Variants in CIMIP2C observed in about 807,000 individuals in gnomAD.
CIMIP2C encodes UPF0573 protein C2orf70.
the CIMIP2C span, chr2:26,578,965 T>A: frequency 1.0e-5 from 5 of 486,060 alleles, no homozygotes; most frequent in African/African-American, 7.8e-5. Context: ...GAGCTTCACA[T>A]GCATTACTGC....
chr2:26,573,049 A>G, the CIMIP2C span, among the ~76,000 whole-genome samples: 1 of 152,234 alleles, frequency 6.6e-6, no homozygotes, highest in Non-Finnish European at 1.5e-5. Flanking sequence ...TTTCTTCATC[A>G]GTGCGAATGT....
At chr2:26,575,979 A>G in the CIMIP2C span, 2 of 1,613,956 alleles carry the variant, frequency 1.2e-6, no homozygotes, top group Non-Finnish European at 8.5e-7. Context: ...TACTTCCAGG[A>G]CCACCGCAAC....
At chr2:26,572,050 TA>T in the CIMIP2C span, 3 of 1,510,872 alleles carry the variant, frequency 2.0e-6, no homozygotes, top group Non-Finnish European at 2.7e-6. Context: ...AGAGAGAGGA[TA>T]AAAACCATCA....
At chr2:26,579,074 G>A in the CIMIP2C span, 1 of 585,496 alleles carries the variant, frequency 1.7e-6, no homozygotes, top group South Asian at 1.9e-5. Flanking sequence ...GTCCGTCCCA[G>A]GTCTGTCTGA....
the CIMIP2C span, chr2:26,579,043 C>A: frequency 1.8e-6 from 1 of 556,656 alleles, no homozygotes. Context: ...ATGCACACTT[C>A]TAGCAGGAGT....
At chr2:26,573,282 G>A in the CIMIP2C span, among the ~76,000 whole-genome samples, 9 of 152,258 alleles carry the variant, frequency 5.9e-5, no homozygotes, top group South Asian at 2.1e-4. Context: ...CTTCCTCTTC[G>A]CCATCTTTAA....
the CIMIP2C span, chr2:26,577,818 G>A: frequency 1.9e-6 from 1 of 534,454 alleles, no homozygotes; most frequent in Non-Finnish European, 3.3e-6. Context: ...GGGGATGGTG[G>A]TAGCCTGAAT....
chr2:26,571,977 T>C, the CIMIP2C span: 1 of 359,064 alleles, frequency 2.8e-6, no homozygotes, highest in African/African-American at 4.4e-5. Flanking sequence ...AATAAGTAGA[T>C]TTGAGATAAG....
the CIMIP2C span, among the ~76,000 whole-genome samples, chr2:26,571,673 C>G: frequency 1.3e-5 from 2 of 152,148 alleles, no homozygotes; most frequent in African/African-American, 4.8e-5. Context: ...TCCAAACACC[C>G]TGAATTATCC....
chr2:26,562,759 C>G, the CIMIP2C span: 1 of 1,316,142 alleles, frequency 7.6e-7, no homozygotes, highest in Non-Finnish European at 1.1e-6. Flanking sequence ...ATTCAGCCCC[C>G]TGCCCCCGGA....
chr2:26,564,180 G>C, the CIMIP2C span, among the ~76,000 whole-genome samples: 1 of 152,140 alleles, frequency 6.6e-6, no homozygotes, highest in African/African-American at 2.4e-5. Context: ...CCACATTCTG[G>C]GTGTTCATCA....
chr2:26,576,111 A>G, the CIMIP2C span: 2 of 1,614,174 alleles, frequency 1.2e-6, no homozygotes, highest in Non-Finnish European at 1.7e-6. Flanking sequence ...TGGCTGCACA[A>G]GCCCAGCTAC....
chr2:26,562,667 C>T, the CIMIP2C span: 5 of 1,579,882 alleles, frequency 3.2e-6, no homozygotes, highest in South Asian at 4.6e-5. Context: ...CGCCTACGTG[C>T]CCCCTGGACT....
At chr2:26,576,853 G>A in the CIMIP2C span, among the ~76,000 whole-genome samples, 3 of 152,190 alleles carry the variant, frequency 2.0e-5, no homozygotes, top group Non-Finnish European at 4.4e-5. Context: ...CAGGTGCATG[G>A]GCCTGAGCTG....
At chr2:26,566,659 G>A in the CIMIP2C span, among the ~76,000 whole-genome samples, 1 of 152,188 alleles carries the variant, frequency 6.6e-6, no homozygotes, top group East Asian at 1.9e-4. Flanking sequence ...AAACACAGAC[G>A]ATAGTAACGT....
At chr2:26,567,302 A>G in the CIMIP2C span, among the ~76,000 whole-genome samples, 4 of 152,132 alleles carry the variant, frequency 2.6e-5, no homozygotes, top group Non-Finnish European at 5.9e-5. Context: ...AGTTCTCACA[A>G]GATCAGATGG....
At chr2:26,565,459 C>T in the CIMIP2C span, among the ~76,000 whole-genome samples, 2 of 152,184 alleles carry the variant, frequency 1.3e-5, no homozygotes, top group African/African-American at 2.4e-5. Flanking sequence ...AGTCATTCAG[C>T]AAGTTGCCGA....
chr2:26,573,791 C>T, the CIMIP2C span, among the ~76,000 whole-genome samples: 1 of 152,174 alleles, frequency 6.6e-6, no homozygotes, highest in Non-Finnish European at 1.5e-5. Context: ...GGAGGGGGTG[C>T]CTGTGCAGCT....
the CIMIP2C span, among the ~76,000 whole-genome samples, chr2:26,575,643 A>G: frequency 6.6e-6 from 1 of 152,140 alleles, no homozygotes; most frequent in Non-Finnish European, 1.5e-5. Flanking sequence ...AAAGATGGCC[A>G]CCGGGCTCCC....
Sources: allele counts gnomAD v4.1 joint callset (sites outside exome capture counted in the v4.1 genomes callset), GRCh38; gene constraint gnomAD v4.1.1; transcripts MANE v1.5; gene names NCBI Gene and HGNC (gene_info 2026-07-23, HGNC 2026-07-21).